Variants in ALPK1 observed in about 807,000 individuals in gnomAD.
ALPK1 encodes the protein alpha kinase 1.
ALPK1 carries 110 observed loss-of-function variants against 120.6 expected under a neutral mutation model. The ratio of observed to expected loss-of-function variants is 0.91; its 90% confidence interval spans 0.78 to 1.07. ALPK1 has a LOEUF of 1.07. ALPK1 is among the 50% of genes least tolerant of loss of function. The pLI is 0.00. For synonymous variants in ALPK1, 582 were observed against 560.3 expected, an observed-to-expected ratio of 1.04 and a Z score of -0.55; for missense variants, 1,498 against 1,483.9, an observed-to-expected ratio of 1.01 and a Z score of -0.16.
chr4:112,382,289 CTTTTTTTTTTTT>C (rs34345428), intron 3 of ALPK1, 97 bp from the exon 4 acceptor site: 2 of 671,432 alleles, frequency 3.0e-6, no homozygotes, highest in African/African-American at 2.2e-5. Flanking sequence ...AGGTTTTTCT[CTTTTTTTTTTTT>C]TTTTTTTTTG....
intron 8 of ALPK1, among the ~76,000 whole-genome samples, chr4:112,427,293 ATG>A (rs928166960): frequency 1.3e-5 from 2 of 152,190 alleles, no homozygotes; most frequent in Non-Finnish European, 2.9e-5. Context: ...TTATTACACA[ATG>A]TATATATATG....
chr4:112,358,190 C>A, intron 2 of ALPK1: 1 of 618,474 alleles, frequency 1.6e-6, no homozygotes. Context: ...AGTGATCTGG[C>A]ACTGCCAGGA....
chr4:112,340,058 T>C (rs1224025423), intron 2 of ALPK1, among the ~76,000 whole-genome samples: 1 of 152,234 alleles, frequency 6.6e-6, no homozygotes, highest in African/African-American at 2.4e-5. Context: ...ACAGAAGGAT[T>C]TCACAGCACA....
chr4:112,393,072 G>A (rs950275369), intron 4 of ALPK1, among the ~76,000 whole-genome samples: 10 of 152,238 alleles, frequency 6.6e-5, no homozygotes, highest in Non-Finnish European at 1.5e-4. Flanking sequence ...CATGTAGAAT[G>A]TGGCTGGTTG....
At chr4:112,329,113 C>T (rs6533604) in intron 2 of ALPK1, among the ~76,000 whole-genome samples, 34,327 of 152,006 alleles carry the variant, frequency 0.23, 4,071 homozygotes, top group Middle Eastern at 0.31. Context: ...TAGTAGGTAC[C>T]TATGAAAATG....
chr4:112,416,120 A>G (rs1235435097), intron 5 of ALPK1, among the ~76,000 whole-genome samples: 1 of 152,168 alleles, frequency 6.6e-6, no homozygotes, highest in Non-Finnish European at 1.5e-5. Context: ...TCCCCTAAAG[A>G]TCTTATTAAA....
intron 5 of ALPK1, among the ~76,000 whole-genome samples, chr4:112,416,306 T>A (rs150942544): frequency 1.5e-3 from 222 of 152,238 alleles, no homozygotes; most frequent in African/African-American, 5.1e-3. Flanking sequence ...AGCCAGTTTC[T>A]CAGATGTTCC....
intron 4 of ALPK1, among the ~76,000 whole-genome samples, chr4:112,407,681 C>A (rs944269591): frequency 6.6e-6 from 1 of 152,096 alleles, no homozygotes; most frequent in African/African-American, 2.4e-5. Context: ...ACTAGATGGT[C>A]CTATACAAGT....
At chr4:112,310,721 C>T (rs1447445878) in intron 1 of ALPK1, among the ~76,000 whole-genome samples, 1 of 152,028 alleles carries the variant, frequency 6.6e-6, no homozygotes, top group Non-Finnish European at 1.5e-5. Flanking sequence ...ATTTTCTCAT[C>T]CATAACATGA....
chr4:112,350,698 T>G (rs1191298672), intron 2 of ALPK1, among the ~76,000 whole-genome samples: 1 of 152,196 alleles, frequency 6.6e-6, no homozygotes, highest in Non-Finnish European at 1.5e-5. Context: ...ATCCTGATCT[T>G]CTCTGTCATA....
At chr4:112,335,084 C>T (rs750120716) in intron 2 of ALPK1, among the ~76,000 whole-genome samples, 1 of 151,878 alleles carries the variant, frequency 6.6e-6, no homozygotes, top group African/African-American at 2.4e-5. Context: ...ATGAAGAAAC[C>T]CCATCTCTAC....
intron 2 of ALPK1, among the ~76,000 whole-genome samples, chr4:112,368,826 C>T (rs532545155): frequency 2.4e-4 from 37 of 152,220 alleles, no homozygotes; most frequent in Non-Finnish European, 3.5e-4. Context: ...ACTGAAGGTG[C>T]GACCTTTTAG....
chr4:112,324,977 G>A (rs542999968), intron 2 of ALPK1, among the ~76,000 whole-genome samples: 9 of 121,902 alleles, frequency 7.4e-5, no homozygotes, highest in South Asian at 2.7e-4. Context: ...AAAAAAAAGG[G>A]GGGGGGGGGC....
At chr4:112,426,602 C>A (rs372950353) in intron 8 of ALPK1, 59 bp downstream of exon 8, 2 of 1,332,452 alleles carry the variant, frequency 1.5e-6, no homozygotes, top group South Asian at 1.7e-5. Context: ...ATGATTATCT[C>A]TTCATGACAG....
intron 2 of ALPK1, among the ~76,000 whole-genome samples, chr4:112,351,534 C>T (rs898934894): frequency 6.6e-6 from 1 of 151,572 alleles, no homozygotes. Flanking sequence ...AGTGCAGTGG[C>T]ACGATCTCGG....
In ALPK1 at chr4:112,298,168, G is replaced by T. The variant is rs994843480; in HGVS notation, c.-153+699G>T. Among the ~76,000 whole-genome samples the T allele has an allele frequency of 2.0e-5, 3 of 152,274 alleles. No homozygotes were observed. In the East Asian group the frequency reaches 5.8e-4, roughly 29 times the overall value. ...CCTTTAAGATGGTTTGGGATTTGAG[G>T]ATGGGTGAGGGTACAAACAGGCAGG... On this transcript the variant is annotated intron_variant, in intron 1 of 15. Transcript: ENST00000650871.
chr4:112,350,895 G>A, intron 2 of ALPK1, among the ~76,000 whole-genome samples: 1 of 152,126 alleles, frequency 6.6e-6, no homozygotes, highest in Non-Finnish European at 1.5e-5. Flanking sequence ...TTCTGGATTT[G>A]GGGACATATG....
chr4:112,397,028 T>C lies in ALPK1; in HGVS notation c.276+14476T>C, dbSNP rs543225782. Among the ~76,000 whole-genome samples the C allele has an allele frequency of 2.9e-3, 434 of 152,264 alleles. 1 individual carries two copies. Among genetic ancestry groups the C allele is most frequent in the African/African-American group, 9.8e-3 (408 of 41,564 alleles). On this transcript the variant is annotated intron_variant, in intron 4 of 15. Transcript: ENST00000650871. ...CTGAGCTCAGACAATCCTCCTTCCT[T>C]GGCTTCTCAAAGTGCTAGGATTATA...
chr4:112,351,121 A>G (rs1730334590), intron 2 of ALPK1, among the ~76,000 whole-genome samples: 1 of 152,178 alleles, frequency 6.6e-6, no homozygotes, highest in African/African-American at 2.4e-5. Context: ...GGGTAACTGT[A>G]GCTGGAGAGT....
Sources: gnomAD v4.1 joint callset for allele counts (sites outside exome capture counted in the v4.1 genomes callset) on GRCh38, gnomAD v4.1.1 for gene constraint, MANE v1.5 for transcripts, NCBI Gene and HGNC (gene_info 2026-07-23, HGNC 2026-07-21) for gene names.